The following VPS33B variants were observed in gnomAD, a reference collection of about 807,000 sequenced individuals.
The protein encoded by VPS33B is vacuolar protein sorting-associated protein 33B.
Under a neutral mutation model 95.3 loss-of-function variants are expected in VPS33B, and 80 were observed. The observed-to-expected ratio is 0.84, with a 90% CI of 0.70 to 1.01. The LOEUF (loss-of-function observed/expected upper bound fraction) is 1.01, where lower values mean the gene tolerates loss of function less well. Among genes scored for constraint, VPS33B ranks in the 50% least tolerant of loss-of-function variants. The pLI, the probability that VPS33B is intolerant of heterozygous loss-of-function variation, is 0.00. For missense variants in VPS33B, 715 were observed against 773.4 expected, an observed-to-expected ratio of 0.92 and a Z score of 0.90; for synonymous variants, 280 against 280.4, an observed-to-expected ratio of 1.00 and a Z score of 0.01.
In VPS33B at chr15:91,007,968, T is replaced by C; in HGVS notation, c.404-4A>G. On this transcript the variant is annotated splice_region_variant and splice_polypyrimidine_tract_variant and intron_variant, in intron 6 of 22. Transcript: ENST00000333371. The surrounding 1 kb of genome is among the most constrained non-coding windows in gnomAD (Gnocchi z 5.3). ...GCCCATTCATCACAGCTCACATCTG[T>C]GGGGACAGAGAGCATCAGCCTCCCT... The C allele has an allele frequency of 6.2e-7, 1 of 1,614,096 alleles. No individual in the cohort carries two copies. Among genetic ancestry groups the C allele is most frequent in the Non-Finnish European group, 8.5e-7 (1 of 1,179,966 alleles).
At chr15:91,019,114 GTTTTTTTT>G (rs368381850) in intron 1 of VPS33B, among the ~76,000 whole-genome samples, 1 of 87,780 alleles carries the variant, frequency 1.1e-5, no homozygotes, top group African/African-American at 4.8e-5. Flanking sequence ...CTCCTGGCCT[GTTTTTTTT>G]TTTTTTTTTT....
chr15:91,002,058 T>G lies in VPS33B; in HGVS notation c.1397A>C (p.Lys466Thr). The stretch of plus-strand genomic sequence containing the variant: ...TTGTGCTCCCTGCTTACCTGCAGCC[T>G]TGTCGGTCACCAGCTTGCTCACTTT... The part of the protein sequence containing the change: ...ESKVSKLVTD[K>T]AAGKITDAFS... Residue 466 changes from lysine to threonine, a missense_variant, in exon 18 of 23, where the codon AAG (lysine) becomes ACG (threonine). Transcript: ENST00000333371. The surrounding 1 kb of genome is among the most constrained non-coding windows in gnomAD (Gnocchi z 4.7). The G allele has an allele frequency of 6.2e-7, 1 of 1,613,982 alleles. No individual in the cohort carries two copies. The highest frequency in any genetic ancestry group is 8.5e-7 in the Non-Finnish European group (1 of 1,180,022).
rs565331280 is a variant in VPS33B, at chr15:91,021,383, CTT to C, written c.96+769_96+770del. On this transcript the variant is annotated intron_variant, in intron 1 of 22. Transcript: ENST00000333371. ...CAACATTTATAACCAATCAGTAAGT[CTT>C]TGAGTTTTCTTTCACCATAACTTAA... is the stretch of plus-strand genomic sequence containing the variant. 3.2e-4 allele frequency among the ~76,000 whole-genome samples: 49 copies of C among 152,328 alleles called. No homozygotes were observed. The East Asian group carries it at 8.9e-3, about 28-fold the overall frequency.
intron 1 of VPS33B, among the ~76,000 whole-genome samples, chr15:91,021,002 G>A (rs2041086108): frequency 6.6e-6 from 1 of 152,126 alleles, no homozygotes; most frequent in Admixed American, 6.6e-5. Flanking sequence ...TCTATCTGCT[G>A]GATGTTACAA....
rs1715831794 is a variant in VPS33B, at chr15:90,999,283, A to G, written c.1775-229T>C. On this transcript the variant is annotated intron_variant, in intron 22 of 22. Coordinates refer to ENST00000333371, the MANE Select transcript of VPS33B (RefSeq NM_018668.5). This position sits in a 1 kb window ranked among gnomAD's most constrained non-coding sequence, Gnocchi z 5.1. ...CTATGGCAAGTTGTATTCTGAGGCC[A>G]GGAGAAAAATATTCCTGTGCAGGAC... The G allele has an allele frequency of 1.7e-6, 1 of 601,034 alleles. No homozygotes were observed. 37.2% of individuals were successfully genotyped at this position (601,034 alleles called of 1,614,324 possible).
In VPS33B at chr15:91,013,430, C is replaced by G. The variant is rs183405443; in HGVS notation, c.357+374G>C. ...GTGCAACAGTGTTGGGAGGTGCAGC[C>G]TAATAACAGGTGATTGGGTTATGAG... On this transcript the variant is annotated intron_variant, in intron 5 of 22. Coordinates refer to ENST00000333371, the MANE Select transcript of VPS33B (RefSeq NM_018668.5). This position sits in a 1 kb window ranked among gnomAD's most constrained non-coding sequence, Gnocchi z 4.5. Among the ~76,000 whole-genome samples, 9 of 152,270 alleles carry G rather than the reference C, an allele frequency of 5.9e-5. No homozygotes were observed. The East Asian group carries it at 1.7e-3, about 29-fold the overall frequency.
intron 1 of VPS33B, among the ~76,000 whole-genome samples, chr15:91,021,562 A>C (rs1217649751): frequency 6.6e-6 from 1 of 152,200 alleles, no homozygotes; most frequent in Non-Finnish European, 1.5e-5. Context: ...GTCTCATGCC[A>C]CAAATGGAAA....
At position 91,006,824 on chromosome 15, in the gene VPS33B, G is replaced by A. The variant is rs1486910684; in HGVS notation, c.701-95C>T. The A allele has an allele frequency of 6.3e-7, 1 of 1,585,226 alleles. No individual in the cohort carries two copies. The highest frequency in any genetic ancestry group is 2.2e-5 in the East Asian group (1 of 44,730). On this transcript the variant is annotated intron_variant, in intron 9 of 22. Transcript: ENST00000333371. The surrounding 1 kb of genome is among the most constrained non-coding windows in gnomAD (Gnocchi z 5.4). ...GCTTTGATACTTTCCATAGGGCCAA[G>A]GACCCACGCTCCTCAAAGCTGGGAT...
At position 91,022,590 on chromosome 15, in the gene VPS33B, A is replaced by G; in HGVS notation, c.-341T>C. Reference sequence around the variant, plus strand: ...CCGCCTTCTACCAGAAAAAGAAGCGACTTCCTAGATCTCCCGGAAGTCCCT... The same window carrying G: ...CCGCCTTCTACCAGAAAAAGAAGCGGCTTCCTAGATCTCCCGGAAGTCCCT... On this transcript the variant is annotated 5_prime_UTR_variant, in exon 1 of 23. Coordinates refer to ENST00000333371, the MANE Select transcript of VPS33B (RefSeq NM_018668.5). 5.1e-6 allele frequency: 1 copy of G among 196,520 alleles called. No individual in the cohort carries two copies. The highest frequency in any genetic ancestry group is 1.1e-4 in the East Asian group (1 of 9,314). 12.2% of individuals were successfully genotyped at this position (196,520 alleles called of 1,614,324 possible).
Position 91,010,370 on chromosome 15 carries a change from G to A in VPS33B, c.358-524C>T, listed in dbSNP as rs2040746754. ...AATCCCAGAACTTTGGAAGGCCGAG[G>A]CAGGTGAATCGCTTGAGCCCAGAAG... On this transcript the variant is annotated intron_variant, in intron 5 of 22. Transcript: ENST00000333371. The surrounding 1 kb of genome is among the most constrained non-coding windows in gnomAD (Gnocchi z 5.7). Among the ~76,000 whole-genome samples, 2 of 152,232 alleles carry A rather than the reference G, an allele frequency of 1.3e-5. No homozygotes were observed. Among genetic ancestry groups the A allele is most frequent in the Admixed American group, 6.5e-5 (1 of 15,280 alleles).
chr15:91,001,944 G>A (rs929313019), intron 18 of VPS33B, 106 bp downstream of exon 18: 4 of 1,571,378 alleles, frequency 2.5e-6, no homozygotes, highest in Non-Finnish European at 3.5e-6. Flanking sequence ...TAATAGGAAG[G>A]AATCAGTCCA....
In VPS33B at chr15:90,999,642, T is replaced by C. The variant is rs2040376026; in HGVS notation, c.1774+35A>G. ...CTGACACTTTGTTACCCAGATACAA[T>C]GCAGGCCAATTCTCACCTTTCTGCT... On this transcript the variant is annotated intron_variant, in intron 22 of 22. Coordinates refer to ENST00000333371, the MANE Select transcript of VPS33B (RefSeq NM_018668.5). The surrounding 1 kb of genome is among the most constrained non-coding windows in gnomAD (Gnocchi z 5.1). 1 of 1,606,948 alleles carries C rather than the reference T, an allele frequency of 6.2e-7. No homozygotes were observed. Among genetic ancestry groups the C allele is most frequent in the Non-Finnish European group, 8.5e-7 (1 of 1,173,792 alleles).
intron 4 of VPS33B, among the ~76,000 whole-genome samples, chr15:91,014,116 G>A (rs879283143): frequency 6.6e-6 from 1 of 151,862 alleles, no homozygotes; most frequent in Non-Finnish European, 1.5e-5. Context: ...CTACTTGGGA[G>A]GCTAAGGCAA....
In VPS33B at chr15:90,998,923, T is replaced by C; in HGVS notation, c.*52A>G. On this transcript the variant is annotated 3_prime_UTR_variant, in exon 23 of 23. Coordinates refer to ENST00000333371, the MANE Select transcript of VPS33B (RefSeq NM_018668.5). The surrounding 1 kb of genome is among the most constrained non-coding windows in gnomAD (Gnocchi z 4.8). ...AGCAGCTGGGTGCCAGATGCCTGCATCTCACTGAGGAATGTGTTCAGGGAA... is the reference window on the plus strand; with the variant it reads ...AGCAGCTGGGTGCCAGATGCCTGCACCTCACTGAGGAATGTGTTCAGGGAA... 6.2e-7 allele frequency: 1 copy of C among 1,601,080 alleles called. No individual in the cohort carries two copies.
rs2040775103 is a variant in VPS33B at position 91,011,388 on chromosome 15, C to A, written c.358-1542G>T. Among the ~76,000 whole-genome samples the A allele has an allele frequency of 6.6e-6, 1 of 152,180 alleles. No individual in the cohort carries two copies. On this transcript the variant is annotated intron_variant, in intron 5 of 22. Transcript: ENST00000333371. The surrounding 1 kb of genome is among the most constrained non-coding windows in gnomAD (Gnocchi z 5.5). ...ACGTGCTCCTTATTTTACTGTTACA[C>A]AGAAGAATCCTATTCCTCCCTCACT...
At chr15:91,014,165 G>C (rs1347514193) in intron 4 of VPS33B, among the ~76,000 whole-genome samples, 23 of 147,458 alleles carry the variant, frequency 1.6e-4, no homozygotes, top group African/African-American at 5.6e-4. Context: ...GTTGCAGTGA[G>C]CCGAGATCGT....
chr15:91,007,337 G>T lies in VPS33B; in HGVS notation c.603+132C>A. On this transcript the variant is annotated intron_variant, in intron 8 of 22. Transcript: ENST00000333371. This position sits in a 1 kb window ranked among gnomAD's most constrained non-coding sequence, Gnocchi z 5.3. ...AGCCACACAAGTTCTCCTCTCTGAGGATCTATTCCAGAACAATGAAAGCAA... is the reference window on the plus strand; with the variant it reads ...AGCCACACAAGTTCTCCTCTCTGAGTATCTATTCCAGAACAATGAAAGCAA... 2.1e-6 allele frequency: 2 copies of T among 946,206 alleles called. No individual in the cohort carries two copies. 58.6% of individuals were successfully genotyped at this position (946,206 alleles called of 1,614,324 possible). A position where few individuals can be genotyped will look rare whatever the true frequency, so the allele number is the denominator to read the frequency against.
At position 91,006,156 on chromosome 15, in the gene VPS33B, A is replaced by T; in HGVS notation, c.853-97T>A. ...GAAGGGTACTCAGGTGTTCTGGCAGAAATACAAAGAAAGCTGAGCTGGGAT... is the reference window on the plus strand; with the variant it reads ...GAAGGGTACTCAGGTGTTCTGGCAGTAATACAAAGAAAGCTGAGCTGGGAT... On this transcript the variant is annotated intron_variant, in intron 11 of 22. Coordinates refer to ENST00000333371, the MANE Select transcript of VPS33B (RefSeq NM_018668.5). This position sits in a 1 kb window ranked among gnomAD's most constrained non-coding sequence, Gnocchi z 5.4. 1 of 1,430,062 alleles carries T rather than the reference A, an allele frequency of 7.0e-7. No individual in the cohort carries two copies. The highest frequency in any genetic ancestry group is 9.8e-7 in the Non-Finnish European group (1 of 1,025,056). 88.6% of individuals were successfully genotyped at this position (1,430,062 alleles called of 1,614,324 possible).
At chr15:91,014,296 T>A in intron 4 of VPS33B, 88 bp downstream of exon 4, 4 of 1,353,112 alleles carry the variant, frequency 3.0e-6, no homozygotes, top group Non-Finnish European at 4.2e-6. Flanking sequence ...CAAACAATTA[T>A]TTTCTTATTA....
Sources: allele counts gnomAD v4.1 joint callset (sites outside exome capture counted in the v4.1 genomes callset), GRCh38; gene constraint gnomAD v4.1.1; non-coding constraint Gnocchi (gnomAD v3.1); transcripts MANE v1.5; gene names NCBI Gene and HGNC (gene_info 2026-07-23, HGNC 2026-07-21).